Variants in FIRRM observed in about 807,000 individuals in gnomAD.
FIRRM encodes the protein FIGNL1-interacting regulator of recombination and mitosis.
chr1:169,853,691 A>AAAG, the FIRRM span: 2 of 1,609,578 alleles, frequency 1.2e-6, no homozygotes, highest in Non-Finnish European at 8.5e-7. Flanking sequence ...CCTTTTTCCT[A>AAAG]AAGTTTAACT....
the FIRRM span, among the ~76,000 whole-genome samples, chr1:169,826,759 T>C: frequency 6.6e-6 from 1 of 152,236 alleles, no homozygotes; most frequent in African/African-American, 2.4e-5. Flanking sequence ...ATTTTTATAG[T>C]ATTTTTAAGG....
chr1:169,807,857 G>T, the FIRRM span: 1 of 1,609,620 alleles, frequency 6.2e-7, no homozygotes, highest in Non-Finnish European at 8.5e-7. Context: ...TTACTAGCTT[G>T]TGTGAAGACA....
At chr1:169,829,136 C>T in the FIRRM span, 1 of 762,614 alleles carries the variant, frequency 1.3e-6, no homozygotes, top group South Asian at 2.6e-5. Context: ...GTGTTGGAAA[C>T]TATTGCTGAT....
the FIRRM span, chr1:169,852,787 CAGCCTT>C: frequency 6.2e-7 from 1 of 1,608,442 alleles, no homozygotes; most frequent in Non-Finnish European, 8.5e-7. Context: ...GTTTTTTTTC[CAGCCTT>C]ATGCAAAAAG....
At chr1:169,797,905 TTTCTAACAATTA>T in the FIRRM span, among the ~76,000 whole-genome samples, 2 of 152,204 alleles carry the variant, frequency 1.3e-5, no homozygotes, top group South Asian at 2.1e-4. Flanking sequence ...CAGTAAAACA[TTTCTAACAATTA>T]TTCTAACAAT....
the FIRRM span, among the ~76,000 whole-genome samples, chr1:169,822,440 C>A: frequency 1.3e-5 from 2 of 152,064 alleles, no homozygotes; most frequent in Non-Finnish European, 2.9e-5. Flanking sequence ...ATGTTTTGTT[C>A]ACTGGCTGCT....
the FIRRM span, among the ~76,000 whole-genome samples, chr1:169,824,058 C>T: frequency 6.6e-6 from 1 of 152,140 alleles, no homozygotes; most frequent in Non-Finnish European, 1.5e-5. Flanking sequence ...TTTAGTGTCC[C>T]AGACAACTTT....
the FIRRM span, among the ~76,000 whole-genome samples, chr1:169,825,565 CA>C: frequency 6.6e-6 from 1 of 152,180 alleles, no homozygotes; most frequent in Non-Finnish European, 1.5e-5. Flanking sequence ...TAAATTCTTG[CA>C]ATGATGCTCA....
chr1:169,830,770 A>T, the FIRRM span: 2 of 1,608,018 alleles, frequency 1.2e-6, no homozygotes, highest in South Asian at 2.2e-5. Flanking sequence ...ACAAGGCCTA[A>T]AACACCCACT....
the FIRRM span, chr1:169,823,423 C>G: frequency 6.2e-7 from 1 of 1,601,810 alleles, no homozygotes; most frequent in Non-Finnish European, 8.5e-7. Flanking sequence ...TCTTCCTTTC[C>G]TCTCTGATTC....
At chr1:169,806,693 C>T in the FIRRM span, among the ~76,000 whole-genome samples, 1 of 152,196 alleles carries the variant, frequency 6.6e-6, no homozygotes, top group African/African-American at 2.4e-5. Context: ...TTTTCTTGTA[C>T]TACCAGGACA....
the FIRRM span, chr1:169,795,019 G>T: frequency 9.3e-7 from 1 of 1,080,204 alleles, no homozygotes; most frequent in South Asian, 1.4e-5. Flanking sequence ...AGCCGGCGGA[G>T]AGCGCGCAAG....
the FIRRM span, among the ~76,000 whole-genome samples, chr1:169,787,730 T>A: frequency 6.6e-6 from 1 of 152,186 alleles, no homozygotes; most frequent in Non-Finnish European, 1.5e-5. Flanking sequence ...CACAATGAGA[T>A]TACTAAAACT....
the FIRRM span, among the ~76,000 whole-genome samples, chr1:169,842,079 G>T: frequency 6.6e-6 from 1 of 151,796 alleles, no homozygotes; most frequent in Non-Finnish European, 1.5e-5. Context: ...GGGAGGTTGA[G>T]GTAGGAGAAT....
chr1:169,803,615 A>G, the FIRRM span, among the ~76,000 whole-genome samples: 1 of 152,186 alleles, frequency 6.6e-6, no homozygotes, highest in Admixed American at 6.5e-5. Flanking sequence ...TGCATTGACC[A>G]ATATTCAATT....
the FIRRM span, chr1:169,802,554 A>G: frequency 9.2e-7 from 1 of 1,083,978 alleles, no homozygotes; most frequent in East Asian, 2.4e-5. Flanking sequence ...TTTTCTCTGT[A>G]AAGTTTTGTC....
the FIRRM span, chr1:169,804,492 G>T: frequency 4.2e-6 from 1 of 237,840 alleles, no homozygotes; most frequent in Non-Finnish European, 8.0e-6. Flanking sequence ...TAATCTCTGA[G>T]GTTGTCCATA....
chr1:169,798,725 G>A, the FIRRM span: 1 of 323,796 alleles, frequency 3.1e-6, no homozygotes, highest in African/African-American at 2.1e-5. Flanking sequence ...TTTCTTTAAT[G>A]TGTTTTCACA....
At chr1:169,797,835 C>T in the FIRRM span, among the ~76,000 whole-genome samples, 1 of 152,202 alleles carries the variant, frequency 6.6e-6, no homozygotes, top group East Asian at 1.9e-4. Context: ...AGCCACCGTG[C>T]CCGGCCGGGT....
Sources: allele counts gnomAD v4.1 joint callset (sites outside exome capture counted in the v4.1 genomes callset), GRCh38; gene constraint gnomAD v4.1.1; transcripts MANE v1.5; gene names NCBI Gene and HGNC (gene_info 2026-07-23, HGNC 2026-07-21).